Variants in MTOR observed in about 807,000 individuals in gnomAD.
MTOR encodes mechanistic target of rapamycin kinase, also known as serine/threonine-protein kinase mTOR.
A neutral mutation model predicts 319.8 loss-of-function variants in MTOR; 70 were observed. The ratio of observed to expected loss-of-function variants is 0.22; its 90% CI spans 0.18 to 0.27. The LOEUF (loss-of-function observed/expected upper bound fraction) is 0.27. Ranked by LOEUF, MTOR falls within the 10% of genes least tolerant of loss-of-function variation. The probability of loss-of-function intolerance (pLI) is 1.00; values close to 1 mark genes in which losing one functional copy is unlikely to be tolerated. For synonymous variants in MTOR, 1,183 were observed against 1,211.4 expected, an observed-to-expected ratio of 0.98 and a Z score of 0.49; for missense variants, 1,890 against 3,274.4, an observed-to-expected ratio of 0.58 and a Z score of 10.32.
intron 46 of MTOR, among the ~76,000 whole-genome samples, chr1:11,125,407 T>G (rs1642773611): frequency 1.3e-5 from 2 of 152,152 alleles, no homozygotes; most frequent in Middle Eastern, 3.2e-3. Flanking sequence ...GAATAATCAC[T>G]GCATTTAAGA....
chr1:11,233,182 C>G (rs2100877122), intron 15 of MTOR: 1 of 871,958 alleles, frequency 1.1e-6, no homozygotes, highest in Non-Finnish European at 1.8e-6. Context: ...ATTACCATAT[C>G]AAGCTGAAAA....
In MTOR at chr1:11,115,577, G is replaced by T; in HGVS notation, c.7017-109C>A. 1 of 945,696 alleles carries T rather than the reference G, an allele frequency of 1.1e-6. No individual in the cohort carries two copies. The highest frequency in any genetic ancestry group is 1.4e-5 in the South Asian group (1 of 71,706). The allele number at this position is 945,696 out of a possible 1,614,324, so 58.6% of individuals were successfully genotyped here. A position where few individuals can be genotyped will look rare whatever the true frequency, so the allele number is the denominator to read the frequency against. The stretch of plus-strand genomic sequence containing the variant: ...AGGAGTTGGCAAACGATAGCCCTCA[G>T]CCAATCCAGCCCCTCCACCTCCACT... On this transcript the variant is annotated intron_variant, in intron 50 of 57. Coordinates refer to ENST00000361445, the MANE Select transcript of MTOR (RefSeq NM_004958.4). This position sits in a 1 kb window ranked among gnomAD's most constrained non-coding sequence, Gnocchi z 4.5.
intron 20 of MTOR, among the ~76,000 whole-genome samples, chr1:11,215,802 G>A (rs886331311): frequency 2.0e-5 from 3 of 152,206 alleles, no homozygotes; most frequent in Admixed American, 6.5e-5. Flanking sequence ...CATGGTTTAT[G>A]AGCAGTAACA....
At chr1:11,210,056 C>T (rs1489977444) in intron 24 of MTOR, among the ~76,000 whole-genome samples, 4 of 152,268 alleles carry the variant, frequency 2.6e-5, no homozygotes, top group Admixed American at 1.3e-4. Flanking sequence ...TTAATGGAGA[C>T]GAGGTTTCGC....
chr1:11,258,063 T>C (rs925556949), intron 3 of MTOR, among the ~76,000 whole-genome samples: 2 of 151,310 alleles, frequency 1.3e-5, no homozygotes, highest in East Asian at 3.9e-4. Flanking sequence ...CAAGCCAAGA[T>C]TGCACCACTG....
intron 50 of MTOR, 52 bp downstream of exon 50, chr1:11,116,952 G>C: frequency 1.5e-6 from 2 of 1,377,222 alleles, no homozygotes; most frequent in Non-Finnish European, 2.0e-6. Context: ...AAACCATTCA[G>C]GAAAACTACA....
chr1:11,114,799 C>G lies in MTOR; in HGVS notation c.7164+14G>C. ...ATCCCATTTGGAAGCAGCTCGTTCC[C>G]GATATCCACTCACCTCCATAGCATT... On this transcript the variant is annotated intron_variant, in intron 52 of 57. Coordinates refer to ENST00000361445, the MANE Select transcript of MTOR (RefSeq NM_004958.4). 1 of 1,613,318 alleles carries G rather than the reference C, an allele frequency of 6.2e-7. No individual in the cohort carries two copies. The highest frequency in any genetic ancestry group is 8.5e-7 in the Non-Finnish European group (1 of 1,179,298).
chr1:11,160,981 T>C (rs1571029902), intron 29 of MTOR, among the ~76,000 whole-genome samples: 2 of 151,918 alleles, frequency 1.3e-5, no homozygotes, highest in South Asian at 4.1e-4. Flanking sequence ...CAAAGCAGGG[T>C]GAGGCATCAC....
At chr1:11,143,733 C>T (rs747977423) in intron 34 of MTOR, among the ~76,000 whole-genome samples, 5 of 151,786 alleles carry the variant, frequency 3.3e-5, no homozygotes, top group Non-Finnish European at 5.9e-5. Context: ...TGGTCTGAAG[C>T]GAGAATTTGG....
chr1:11,167,234 T>G (rs1342579813), intron 29 of MTOR, among the ~76,000 whole-genome samples: 1 of 151,002 alleles, frequency 6.6e-6, no homozygotes, highest in East Asian at 1.9e-4. Context: ...CCCTAGAACT[T>G]AAAGTATAAT....
Position 11,209,431 on chromosome 1 carries a change from C to A in MTOR, c.3682G>T (p.Asp1228Tyr), listed in dbSNP as rs775325303. 10 of 1,614,168 alleles carry A rather than the reference C, an allele frequency of 6.2e-6. No homozygotes were observed. The highest frequency in any genetic ancestry group is 1.7e-5 in the Admixed American group (1 of 60,020). The change falls in exon 25 of 58, where the codon GAT becomes TAT. Residue 1228 changes from aspartate to tyrosine, a missense_variant. Physicochemically the swap from Asp to Tyr is radical, Grantham distance 160. Around this residue, in one of 15 missense-constraint regions of MTOR, gnomAD observed 115 missense variants for 105.7 expected, o/e 1.09. Transcript: ENST00000361445. Reference protein sequence around the residue: ...KGYTLADEEEDPLIYQHRMLR... With the variant: ...KGYTLADEEEYPLIYQHRMLR... Reference sequence around the variant, plus strand: ...ATCCGATGCTGGTAAATCAAAGGATCCTCCTCTTCATCAGCAAGTGTGTAT... The same window carrying A: ...ATCCGATGCTGGTAAATCAAAGGATACTCCTCTTCATCAGCAAGTGTGTAT...
intron 23 of MTOR, 131 bp from the exon 24 acceptor site, chr1:11,211,037 A>C (rs1247815784): frequency 2.8e-5 from 17 of 608,602 alleles, no homozygotes; most frequent in Non-Finnish European, 4.1e-5. Context: ...GATATTCAAA[A>C]GAATCCTTCT....
chr1:11,161,095 G>A (rs940104419), intron 29 of MTOR, among the ~76,000 whole-genome samples: 25 of 152,204 alleles, frequency 1.6e-4, no homozygotes, highest in Admixed American at 1.4e-3. Flanking sequence ...CTAAAACTGC[G>A]CTTTTCCAAC....
chr1:11,240,392 G>A lies in MTOR; in HGVS notation c.1697C>T (p.Ala566Val), dbSNP rs2100909653. ...GMPKGLAHQL[A>V]SPGLTTLPEA... ...AGGGAGGGTCGTGAGGCCAGGAGAGGCCAGCTGATGGGCCAGGCCCTTGGG... is the reference window on the plus strand; with the variant it reads ...AGGGAGGGTCGTGAGGCCAGGAGAGACCAGCTGATGGGCCAGGCCCTTGGG... The change falls in exon 11 of 58, where the codon GCC becomes GTC. Residue 566 changes from alanine (A) to valine (V), a missense_variant. Physicochemically the swap from Ala to Val is moderately conservative, Grantham distance 64. Transcript: ENST00000361445. 3.1e-6 allele frequency: 5 copies of A among 1,614,254 alleles called. No individual in the cohort carries two copies. Among genetic ancestry groups the A allele is most frequent in the Non-Finnish European group, 4.2e-6 (5 of 1,180,048 alleles).
chr1:11,213,375 T>G (rs1173756372), intron 21 of MTOR, 24 bp downstream of exon 21: 1 of 1,601,050 alleles, frequency 6.2e-7, no homozygotes, highest in Admixed American at 1.7e-5. Context: ...AAAATCTCTC[T>G]GGAGGATGAC....
At chr1:11,182,430 G>A (rs894226413) in intron 28 of MTOR, among the ~76,000 whole-genome samples, 4 of 152,236 alleles carry the variant, frequency 2.6e-5, no homozygotes, top group East Asian at 1.9e-4. Context: ...TTTGCTAGAC[G>A]TTGACTATGT....
At chr1:11,242,224 C>T (rs1049727299) in intron 9 of MTOR, among the ~76,000 whole-genome samples, 3 of 151,904 alleles carry the variant, frequency 2.0e-5, no homozygotes, top group South Asian at 2.1e-4. Flanking sequence ...ATTAGCTGGG[C>T]GTGCTGGCAC....
At chr1:11,255,171 T>C (rs890754030) in intron 5 of MTOR, among the ~76,000 whole-genome samples, 1 of 151,020 alleles carries the variant, frequency 6.6e-6, no homozygotes, top group Non-Finnish European at 1.5e-5. Flanking sequence ...GATCATGAGG[T>C]CAAGAGATCA....
chr1:11,146,248 T>C (rs965376496), intron 32 of MTOR, among the ~76,000 whole-genome samples: 1 of 152,250 alleles, frequency 6.6e-6, no homozygotes, highest in Non-Finnish European at 1.5e-5. Context: ...CAAGTCAGCA[T>C]ACTATTTGCA....
Sources: gnomAD v4.1 joint callset for allele counts (sites outside exome capture counted in the v4.1 genomes callset) on GRCh38, gnomAD v4.1.1 for gene constraint, gnomAD v4.1.1 regional missense constraint, Gnocchi (gnomAD v3.1) non-coding constraint, MANE v1.5 for transcripts, NCBI Gene and HGNC (gene_info 2026-07-23, HGNC 2026-07-21) for gene names.